Variants in KCNC2 observed in about 807,000 individuals in gnomAD.
The protein encoded by KCNC2 is potassium voltage-gated channel subfamily C member 2, also known as voltage-gated potassium channel KCNC2.
KCNC2 carries 21 observed loss-of-function variants against 44.5 expected under a neutral mutation model. That is an observed-to-expected ratio of 0.47 (90% CI 0.33 to 0.68). The LOEUF is 0.68. KCNC2 is among the 30% of genes least tolerant of loss of function. KCNC2 has a pLI of 0.01. For missense variants in KCNC2, 589 were observed against 826.2 expected (o/e 0.71, Z 3.52); for synonymous variants, 391 against 339.1 (o/e 1.15, Z -1.68).
At chr12:75,095,430 A>G (rs73353788) in intron 2 of KCNC2, among the ~76,000 whole-genome samples, 23,643 of 151,718 alleles carry the variant, frequency 0.16, 2,018 homozygotes, top group Middle Eastern at 0.24. Flanking sequence ...CCTGCAAATT[A>G]TGTTGCCTTC....
At chr12:75,053,611 T>A (rs1276313931) in intron 2 of KCNC2, among the ~76,000 whole-genome samples, 1 of 151,894 alleles carries the variant, frequency 6.6e-6, no homozygotes, top group Non-Finnish European at 1.5e-5. Flanking sequence ...TTTGTATTAT[T>A]CTACTTTGCT....
intron 2 of KCNC2, among the ~76,000 whole-genome samples, chr12:75,081,408 ATTTTTTT>A (rs34651267): frequency 7.7e-6 from 1 of 130,466 alleles, no homozygotes; most frequent in African/African-American, 2.8e-5. Context: ...TTAAACATTC[ATTTTTTT>A]TTTTTTTTTT....
In KCNC2 at chr12:75,041,458, A is replaced by G; in HGVS notation, c.*1647T>C. 8.0e-7 allele frequency: 1 copy of G among 1,255,850 alleles called. No homozygotes were observed. The highest frequency in any genetic ancestry group is 1.5e-5 in the African/African-American group (1 of 65,938). The allele number at this position is 1,255,850 out of a possible 1,614,324, so 77.8% of individuals were successfully genotyped here. ...AGTGACAATTGTCTTCCTAACAAAA[A>G]ATAAACATGAGAAATAGGAATTAAT... On this transcript the variant is annotated 3_prime_UTR_variant, in exon 5 of 5. Coordinates refer to ENST00000549446, the MANE Select transcript of KCNC2 (RefSeq NM_139137.4).
In KCNC2 at chr12:75,207,595, C is replaced by T; in HGVS notation, c.389G>A (p.Cys130Tyr). ...CAGCTCCTCCTCGAAGAGCGGCCCG[C>T]ACACGTCTGCGGGGCAGTGCAGCTT... ...TGKLHCPADVCGPLFEEELAF... is the reference protein window; with the variant it reads ...TGKLHCPADVYGPLFEEELAF... Residue 130 changes from cysteine (C) to tyrosine (Y), a missense_variant, in exon 2 of 5, where the codon TGC becomes TAC. By Grantham distance (194) the Cys-to-Tyr change is radical. This residue lies in a region of KCNC2 where 40 missense variants were observed against 102.0 expected (regional missense o/e 0.39). Transcript: ENST00000549446. The surrounding 1 kb of genome is among the most constrained non-coding windows in gnomAD (Gnocchi z 4.1). 6.2e-7 allele frequency: 1 copy of T among 1,612,048 alleles called. No individual in the cohort carries two copies. Among genetic ancestry groups the T allele is most frequent in the Non-Finnish European group, 8.5e-7 (1 of 1,179,868 alleles).
intron 2 of KCNC2, among the ~76,000 whole-genome samples, chr12:75,128,981 A>T (rs1888639941): frequency 6.6e-6 from 1 of 152,216 alleles, no homozygotes; most frequent in African/African-American, 2.4e-5. Flanking sequence ...TGACTTTCAC[A>T]AGCCAAGATA....
At chr12:75,099,313 G>A (rs1886185527) in intron 2 of KCNC2, among the ~76,000 whole-genome samples, 1 of 152,138 alleles carries the variant, frequency 6.6e-6, no homozygotes, top group Admixed American at 6.6e-5. Context: ...GCATTCAAGG[G>A]TTTTGGAGTT....
chr12:75,050,895 C>A lies in KCNC2; in HGVS notation c.1110G>T (p.Val370=), dbSNP rs199857245. 1 of 1,613,672 alleles carries A rather than the reference C, an allele frequency of 6.2e-7. No homozygotes were observed. Among genetic ancestry groups the A allele is most frequent in the Non-Finnish European group, 8.5e-7 (1 of 1,179,882 alleles). ...KLTRHFVGLR[V]LGHTLRASTN... is the part of the protein sequence containing the mutation. ...TACTAGCTCGAAGAGTATGTCCAAG[C>A]ACCCTCAGACCTACAAAATGGCGGG... Residue 370 remains valine, a synonymous_variant, in exon 3 of 5, where the codon GTG becomes GTT. Coordinates refer to ENST00000549446, the MANE Select transcript of KCNC2 (RefSeq NM_139137.4).
chr12:75,168,888 C>A (rs1891631735), intron 2 of KCNC2, among the ~76,000 whole-genome samples: 1 of 151,494 alleles, frequency 6.6e-6, no homozygotes, highest in Non-Finnish European at 1.5e-5. Context: ...TAAAGACTCT[C>A]TTCCTTAGTT....
At chr12:75,183,237 T>C (rs1473058315) in intron 2 of KCNC2, among the ~76,000 whole-genome samples, 1 of 152,176 alleles carries the variant, frequency 6.6e-6, no homozygotes, top group Non-Finnish European at 1.5e-5. Flanking sequence ...TGTGAAAATT[T>C]TGTTGCCCCC....
intron 2 of KCNC2, among the ~76,000 whole-genome samples, chr12:75,128,813 T>C (rs559721905): frequency 6.6e-6 from 1 of 152,348 alleles, no homozygotes; most frequent in African/African-American, 2.4e-5. Flanking sequence ...TGTCTCTTGA[T>C]TCATGCTTCA....
intron 2 of KCNC2, among the ~76,000 whole-genome samples, chr12:75,098,072 T>G (rs995417459): frequency 6.6e-6 from 1 of 152,068 alleles, no homozygotes; most frequent in East Asian, 1.9e-4. Flanking sequence ...TTTCAAACAT[T>G]AAAAAAAGGT....
At chr12:75,170,805 T>C (rs555926696) in intron 2 of KCNC2, among the ~76,000 whole-genome samples, 1 of 151,874 alleles carries the variant, frequency 6.6e-6, no homozygotes, top group African/African-American at 2.4e-5. Context: ...AATAGTTATC[T>C]CAAAGCTTCT....
intron 2 of KCNC2, among the ~76,000 whole-genome samples, chr12:75,176,335 C>G (rs973864161): frequency 6.6e-6 from 1 of 152,016 alleles, no homozygotes; most frequent in Non-Finnish European, 1.5e-5. Flanking sequence ...CAACGTCCTC[C>G]CTGGTGTGGG....
chr12:75,097,109 G>A (rs1885995015), intron 2 of KCNC2, among the ~76,000 whole-genome samples: 1 of 151,978 alleles, frequency 6.6e-6, no homozygotes, highest in Non-Finnish European at 1.5e-5. Flanking sequence ...AAAAATTAAA[G>A]GACCTTAAAT....
intron 2 of KCNC2, among the ~76,000 whole-genome samples, chr12:75,191,247 A>T (rs570650282): frequency 2.0e-4 from 31 of 151,806 alleles, no homozygotes; most frequent in Non-Finnish European, 2.9e-4. Flanking sequence ...GGTTAAATTT[A>T]AAAAAAATCC....
intron 2 of KCNC2, among the ~76,000 whole-genome samples, chr12:75,133,646 A>C (rs1274614552): frequency 6.6e-6 from 1 of 152,024 alleles, no homozygotes; most frequent in Non-Finnish European, 1.5e-5. Flanking sequence ...GTGGCCTTAC[A>C]TGAATAAAAT....
At chr12:75,053,912 G>A (rs1180152801) in intron 2 of KCNC2, among the ~76,000 whole-genome samples, 1 of 151,444 alleles carries the variant, frequency 6.6e-6, no homozygotes, top group Non-Finnish European at 1.5e-5. Flanking sequence ...AGAGGTAGAT[G>A]ATTATTTTGC....
intron 1 of KCNC2, among the ~76,000 whole-genome samples, chr12:75,208,456 G>C (rs1391775350): frequency 2.1e-5 from 3 of 143,576 alleles, no homozygotes; most frequent in South Asian, 2.2e-4. Flanking sequence ...TCCCCTGGTT[G>C]GCCTCTCATT....
intron 2 of KCNC2, among the ~76,000 whole-genome samples, chr12:75,110,469 G>A (rs557123247): frequency 7.9e-5 from 12 of 152,192 alleles, no homozygotes; most frequent in African/African-American, 2.9e-4. Flanking sequence ...GTATATCTCT[G>A]GATATGCAGA....
Sources: gnomAD v4.1 joint callset for allele counts (sites outside exome capture counted in the v4.1 genomes callset) on GRCh38, gnomAD v4.1.1 for gene constraint, gnomAD v4.1.1 regional missense constraint, Gnocchi (gnomAD v3.1) non-coding constraint, MANE v1.5 for transcripts, NCBI Gene and HGNC (gene_info 2026-07-23, HGNC 2026-07-21) for gene names.